Variants in NUDT16 observed in about 807,000 individuals in gnomAD.
The protein encoded by NUDT16 is nudix hydrolase 16, also known as U8 snoRNA-decapping enzyme.
Under a neutral mutation model 11.7 loss-of-function variants are expected in NUDT16, and 12 were observed. The observed-to-expected ratio is 1.03, with a 90% CI of 0.66 to 1.67. The LOEUF (loss-of-function observed/expected upper bound fraction) is 1.67, where lower values mean the gene tolerates loss of function less well. Ranked by LOEUF, NUDT16 falls within the 40% of genes most tolerant of loss-of-function variation. The pLI is 0.00. For synonymous variants in NUDT16, 129 were observed against 122.6 expected (o/e 1.05, Z -0.35); for missense variants, 303 against 268.9 (o/e 1.13, Z -0.89).
In NUDT16 at chr3:131,382,170, T is replaced by G. The variant is rs571825966; in HGVS notation, c.263T>G (p.Phe88Cys). The change falls in exon 2 of 3, where the codon TTC becomes TGC. Residue 88 changes from phenylalanine (F) to cysteine (C), a missense_variant. Coordinates refer to ENST00000521288, the MANE Select transcript of NUDT16 (RefSeq NM_152395.3). ...GAGCTGGGCGAAGCGGCTGCCGCTT[T>G]CCGCGTGGAGCGCACTGACTACCGC... ...REELGEAAAA[F>C]RVERTDYRSS... is the part of the protein sequence containing the mutation. 1 of 1,612,210 alleles carries G rather than the reference T, an allele frequency of 6.2e-7. No individual in the cohort carries two copies. The highest frequency in any genetic ancestry group is 1.7e-5 in the Admixed American group (1 of 59,948).
intron 2 of NUDT16, chr3:131,382,776 T>A: frequency 8.1e-7 from 1 of 1,230,808 alleles, no homozygotes; most frequent in Non-Finnish European, 1.1e-6. Context: ...GCGATTTCTC[T>A]CAGCATTCCT....
chr3:131,382,150 G>A lies in NUDT16; in HGVS notation c.243G>A (p.Leu81=). The change falls in exon 2 of 3, where the codon CTG becomes CTA. Residue 81 remains leucine, a synonymous_variant. Transcript: ENST00000521288. The part of the protein sequence containing the change: ...DGLNRELREE[L]GEAAAAFRVE... Reference sequence around the variant, plus strand: ...TGAACCGCGAGCTGCGCGAGGAGCTGGGCGAAGCGGCTGCCGCTTTCCGCG... The same window carrying A: ...TGAACCGCGAGCTGCGCGAGGAGCTAGGCGAAGCGGCTGCCGCTTTCCGCG... The A allele has an allele frequency of 6.2e-7, 1 of 1,611,934 alleles. No homozygotes were observed. The highest frequency in any genetic ancestry group is 8.5e-7 in the Non-Finnish European group (1 of 1,179,398).
chr3:131,382,142 G>A lies in NUDT16; in HGVS notation c.235G>A (p.Glu79Lys), dbSNP rs780142826. ...LEDGLNRELR[E>K]ELGEAAAAFR... is the part of the protein sequence containing the mutation. ...GGACGGGCTGAACCGCGAGCTGCGC[G>A]AGGAGCTGGGCGAAGCGGCTGCCGC... The change falls in exon 2 of 3, where the codon GAG becomes AAG. Residue 79 changes from glutamate (E) to lysine (K), a missense_variant. By Grantham distance (56) the Glu-to-Lys change is moderately conservative. Coordinates refer to ENST00000521288, the MANE Select transcript of NUDT16 (RefSeq NM_152395.3). 1.7e-5 allele frequency: 27 copies of A among 1,611,640 alleles called. No homozygotes were observed. Among genetic ancestry groups the A allele is most frequent in the African/African-American group, 2.7e-5 (2 of 74,924 alleles).
In NUDT16 at chr3:131,381,884, T is replaced by G; in HGVS notation, c.80T>G (p.Leu27Arg). Residue 27 changes from leucine to arginine, a missense_variant, in exon 1 of 3, where the codon CTC (leucine) becomes CGC (arginine). Coordinates refer to ENST00000521288, the MANE Select transcript of NUDT16 (RefSeq NM_152395.3). ...SGWRHACHAL[L>R]YAPDPGMLFG... ...TGGCGTCATGCGTGCCACGCTCTCC[T>G]CTACGCGCCGGACCCTGGGATGCTC... 3 of 1,609,362 alleles carry G rather than the reference T, an allele frequency of 1.9e-6. No homozygotes were observed. Among genetic ancestry groups the G allele is most frequent in the Non-Finnish European group, 2.5e-6 (3 of 1,179,608 alleles).
In NUDT16 at chr3:131,383,716, G is replaced by A. The variant is rs770406215; in HGVS notation, c.*375G>A. The A allele has an allele frequency of 2.2e-6, 1 of 462,188 alleles. No homozygotes were observed. The allele number at this position is 462,188 out of a possible 1,614,324, so 28.6% of individuals were successfully genotyped here. A position where few individuals can be genotyped will look rare whatever the true frequency, so the allele number is the denominator to read the frequency against. The stretch of plus-strand genomic sequence containing the variant: ...CATTTGTCACACTACCCTGGTCCCT[G>A]ATTGCAAGGAGCTTCTGAAGCAAGG... On this transcript the variant is annotated 3_prime_UTR_variant, in exon 3 of 3. Coordinates refer to ENST00000521288, the MANE Select transcript of NUDT16 (RefSeq NM_152395.3). The surrounding 1 kb of genome is among the most constrained non-coding windows in gnomAD (Gnocchi z 4.4).
intron 2 of NUDT16, 180 bp from the exon 3 acceptor site, chr3:131,382,982 A>G: frequency 1.5e-6 from 1 of 671,816 alleles, no homozygotes; most frequent in South Asian, 2.0e-5. Flanking sequence ...AGAGCTAGAT[A>G]ATATGTTTTG....
Position 131,383,229 on chromosome 3 carries a change from T to C in NUDT16, c.476T>C (p.Leu159Pro), listed in dbSNP as rs1170444399. ...GGTGTAGGAGGCCTGCCTACCTTCC[T>C]GGAGAATTCCTTTATTGGCTCTGCG... The part of the protein sequence containing the change: ...RDGVGGLPTF[L>P]ENSFIGSARE... The change falls in exon 3 of 3, where the codon CTG becomes CCG. Residue 159 changes from leucine (L) to proline (P), a missense_variant. Physicochemically the swap from Leu to Pro is moderately conservative, Grantham distance 98. Transcript: ENST00000521288. This position sits in a 1 kb window ranked among gnomAD's most constrained non-coding sequence, Gnocchi z 4.4. The C allele has an allele frequency of 1.2e-6, 2 of 1,614,170 alleles. No individual in the cohort carries two copies. Among genetic ancestry groups the C allele is most frequent in the East Asian group, 2.2e-5 (1 of 44,870 alleles).
intron 2 of NUDT16, chr3:131,382,801 G>A (rs556653458): frequency 4.5e-4 from 464 of 1,037,464 alleles, no homozygotes; most frequent in Non-Finnish European, 5.5e-4. Context: ...TGGTGGTGGG[G>A]CGGGGGGAGA....
rs1321173039 is a variant in NUDT16 at position 131,384,960 on chromosome 3, T to G, written c.*1619T>G. ...GGCTCTGCACACACCTGTCTTCCCC[T>G]CATCAGGATTCAGGAGCTGGGATGG... is the stretch of plus-strand genomic sequence containing the variant. On this transcript the variant is annotated 3_prime_UTR_variant, in exon 3 of 3. Transcript: ENST00000521288. The G allele has an allele frequency of 1.3e-5, 2 of 152,278 alleles. No individual in the cohort carries two copies. The highest frequency in any genetic ancestry group is 4.8e-5 in the African/African-American group (2 of 41,418). The allele number at this position is 152,278 out of a possible 1,614,324, so 9.4% of individuals were successfully genotyped here.
rs143852427 is a variant in NUDT16, at chr3:131,382,140, G to A, written c.233G>A (p.Arg78His). ...GAGGACGGGCTGAACCGCGAGCTGC[G>A]CGAGGAGCTGGGCGAAGCGGCTGCC... ...SLEDGLNREL[R>H]EELGEAAAAF... Residue 78 changes from arginine to histidine, a missense_variant, in exon 2 of 3, where the codon CGC (arginine) becomes CAC (histidine). Arg to His is a conservative substitution (Grantham distance 29, BLOSUM62 0). Coordinates refer to ENST00000521288, the MANE Select transcript of NUDT16 (RefSeq NM_152395.3). 78 of 1,611,574 alleles carry A rather than the reference G, an allele frequency of 4.8e-5. 1 individual carries two copies. The African/African-American group carries it at 8.5e-4, about 18-fold the overall frequency.
In NUDT16 at chr3:131,385,900, C is replaced by T. The variant is rs1241399755; in HGVS notation, c.*2559C>T. 1 of 152,138 alleles carries T rather than the reference C, an allele frequency of 6.6e-6. No individual in the cohort carries two copies. The highest frequency in any genetic ancestry group is 2.4e-5 in the African/African-American group (1 of 41,402). 9.4% of individuals were successfully genotyped at this position (152,138 alleles called of 1,614,324 possible). A position where few individuals can be genotyped will look rare whatever the true frequency, so the allele number is the denominator to read the frequency against. ...GACCCTTTATGGCACTGCTAACAGA[C>T]CCCTTCCCTCAGGTAATTCTGGATC... On this transcript the variant is annotated 3_prime_UTR_variant, in exon 3 of 3. Coordinates refer to ENST00000521288, the MANE Select transcript of NUDT16 (RefSeq NM_152395.3).
At chr3:131,381,964 C>T (rs1352156716) in intron 1 of NUDT16, 22 bp downstream of exon 1, 1 of 1,602,170 alleles carries the variant, frequency 6.2e-7, no homozygotes, top group East Asian at 2.2e-5. Flanking sequence ...GCGCGCCCGG[C>T]CACTTTCTGC....
chr3:131,382,057 C>T lies in NUDT16; in HGVS notation c.150C>T (p.Arg50=). 6.3e-7 allele frequency: 1 copy of T among 1,583,342 alleles called. No homozygotes were observed. Among genetic ancestry groups the T allele is most frequent in the Non-Finnish European group, 8.6e-7 (1 of 1,162,838 alleles). The change falls in exon 2 of 3, where the codon CGC becomes CGT. Residue 50 remains arginine (R), a synonymous_variant. Transcript: ENST00000521288. ...TCCCCCTCCCGCAGATGCAGATGCG[C>T]TTCGATGGACGCCTGGGCTTCCCCG... is the stretch of plus-strand genomic sequence containing the variant. ...PLRYAILMQM[R]FDGRLGFPGG...
rs1382723712 is a variant in NUDT16 at position 131,387,708 on chromosome 3, AG to A, written c.*4368del. The A allele has an allele frequency of 6.6e-6, 1 of 152,414 alleles. No individual in the cohort carries two copies. Among genetic ancestry groups the A allele is most frequent in the Non-Finnish European group, 1.5e-5 (1 of 68,202 alleles). The allele number at this position is 152,414 out of a possible 1,614,324, so 9.4% of individuals were successfully genotyped here. ...AGCCAAGACCCTCACCTACAGTCCC[AG>A]TCCTCCCACCTTCTTCAGGTCTCTA... On this transcript the variant is annotated 3_prime_UTR_variant, in exon 3 of 3. Coordinates refer to ENST00000521288, the MANE Select transcript of NUDT16 (RefSeq NM_152395.3).
In NUDT16 at chr3:131,388,362, G is replaced by A. The variant is rs1421716393; in HGVS notation, c.*5021G>A. The A allele has an allele frequency of 6.6e-6, 1 of 152,150 alleles. No homozygotes were observed. The highest frequency in any genetic ancestry group is 1.5e-5 in the Non-Finnish European group (1 of 68,034). The allele number at this position is 152,150 out of a possible 1,614,324, so 9.4% of individuals were successfully genotyped here. On this transcript the variant is annotated 3_prime_UTR_variant, in exon 3 of 3. Coordinates refer to ENST00000521288, the MANE Select transcript of NUDT16 (RefSeq NM_152395.3). Reference sequence around the variant, plus strand: ...CAGGAACAACATTTTAGAGGAAACAGGACAAAAACTTCCCTAAACTCAAGA... The same window carrying A: ...CAGGAACAACATTTTAGAGGAAACAAGACAAAAACTTCCCTAAACTCAAGA...
At position 131,382,307 on chromosome 3, in the gene NUDT16, G is replaced by C. The variant is rs1181458704; in HGVS notation, c.400G>C (p.Gly134Arg). 2 of 1,612,940 alleles carry C rather than the reference G, an allele frequency of 1.2e-6. No individual in the cohort carries two copies. The highest frequency in any genetic ancestry group is 8.5e-7 in the Non-Finnish European group (1 of 1,180,022). ...EAGATRAKDH[G>R]LEVLGLVRVP... The stretch of plus-strand genomic sequence containing the variant: ...CGGCGCAACACGCGCCAAGGACCAC[G>C]GGCTGGAGGTGGGACCAGCCTGGGA... The change falls in exon 2 of 3, where the codon GGG (glycine) becomes CGG (arginine). Residue 134 changes from glycine (G) to arginine (R), a missense_variant. Gly to Arg is a moderately radical substitution (Grantham distance 125, BLOSUM62 -2). Transcript: ENST00000521288.
Position 131,383,300 on chromosome 3 carries a change from T to A in NUDT16, c.547T>A (p.Ser183Thr). The change falls in exon 3 of 3, where the codon TCT (serine) becomes ACT (threonine). Residue 183 changes from serine (S) to threonine (T), a missense_variant. Physicochemically the swap from Ser to Thr is moderately conservative, Grantham distance 58 (BLOSUM62 1). Coordinates refer to ENST00000521288, the MANE Select transcript of NUDT16 (RefSeq NM_152395.3). This position sits in a 1 kb window ranked among gnomAD's most constrained non-coding sequence, Gnocchi z 4.4. ...EALQDLGLLQ[S>T]GSISGLKIPA... is the part of the protein sequence containing the mutation. ...TCTCCAGGACTTGGGACTGCTGCAG[T>A]CTGGCTCTATTTCAGGCCTTAAGAT... is the stretch of plus-strand genomic sequence containing the variant. The A allele has an allele frequency of 6.8e-6, 11 of 1,614,160 alleles. No individual in the cohort carries two copies. The highest frequency in any genetic ancestry group is 9.3e-6 in the Non-Finnish European group (11 of 1,180,018).
rs2097460142 is a variant in NUDT16 at position 131,386,715 on chromosome 3, TGGTG to T, written c.*3375_*3378del. ...ACTTCTCAGCATTGCACTTTTCTGC[TGGTG>T]CAGAATAAAAACACTTTGAGCCCCA... On this transcript the variant is annotated 3_prime_UTR_variant, in exon 3 of 3. Coordinates refer to ENST00000521288, the MANE Select transcript of NUDT16 (RefSeq NM_152395.3). 6.6e-6 allele frequency: 1 copy of T among 152,234 alleles called. No homozygotes were observed. Among genetic ancestry groups the T allele is most frequent in the South Asian group, 2.1e-4 (1 of 4,832 alleles). 9.4% of individuals were successfully genotyped at this position (152,234 alleles called of 1,614,324 possible).
chr3:131,383,104 G>A lies in NUDT16; in HGVS notation c.409-58G>A. On this transcript the variant is annotated intron_variant, in intron 2 of 2. Coordinates refer to ENST00000521288, the MANE Select transcript of NUDT16 (RefSeq NM_152395.3). The surrounding 1 kb of genome is among the most constrained non-coding windows in gnomAD (Gnocchi z 4.4). ...GGCCTGATCTGCTGGAGAAAGGATG[G>A]AGTTAAGGGAATGAGCCACCTGGGG... The A allele has an allele frequency of 6.4e-7, 1 of 1,557,602 alleles. No homozygotes were observed. Among genetic ancestry groups the A allele is most frequent in the Non-Finnish European group, 8.7e-7 (1 of 1,144,172 alleles).
Sources: gnomAD v4.1 joint callset for allele counts on GRCh38, gnomAD v4.1.1 for gene constraint, Gnocchi (gnomAD v3.1) non-coding constraint, MANE v1.5 for transcripts, NCBI Gene and HGNC (gene_info 2026-07-23, HGNC 2026-07-21) for gene names.